The following GFRA2 variants were observed in gnomAD, a reference collection of about 807,000 sequenced individuals.
GFRA2 encodes the protein GDNF family receptor alpha-2.
GFRA2 carries 17 observed loss-of-function variants against 48.3 expected under a neutral mutation model. The observed-to-expected ratio is 0.35, with a 90% CI of 0.24 to 0.53. The LOEUF (loss-of-function observed/expected upper bound fraction) is 0.53, where lower values mean the gene tolerates loss of function less well. Ranked by LOEUF, GFRA2 falls within the 20% of genes least tolerant of loss-of-function variation. The pLI, the probability that GFRA2 is intolerant of heterozygous loss-of-function variation, is 0.93. For synonymous variants in GFRA2, 305 were observed against 257.2 expected (o/e 1.19, Z -1.78); for missense variants, 660 against 637.3 (o/e 1.04, Z -0.38).
intron 4 of GFRA2, among the ~76,000 whole-genome samples, chr8:21,724,383 G>A (rs1009387516): frequency 4.6e-5 from 7 of 152,216 alleles, no homozygotes; most frequent in Middle Eastern, 3.4e-3. Context: ...GTATTGCCAC[G>A]CTGGAATGGA....
At chr8:21,736,894 G>A (rs1303659567) in intron 4 of GFRA2, among the ~76,000 whole-genome samples, 1 of 131,902 alleles carries the variant, frequency 7.6e-6, no homozygotes, top group Non-Finnish European at 1.6e-5. Context: ...GAGAAAAGAA[G>A]GAAAGGAAGA....
At chr8:21,749,453 G>A (rs1007385484) in intron 4 of GFRA2, among the ~76,000 whole-genome samples, 3 of 152,028 alleles carry the variant, frequency 2.0e-5, no homozygotes, top group Admixed American at 6.5e-5. Flanking sequence ...CAGCTAATGA[G>A]TGGTAAAGAC....
intron 4 of GFRA2, among the ~76,000 whole-genome samples, chr8:21,720,439 T>A (rs931956876): frequency 6.6e-6 from 1 of 152,164 alleles, no homozygotes; most frequent in African/African-American, 2.4e-5. Flanking sequence ...CCAGGGACCA[T>A]GCCTGGCATG....
At chr8:21,758,224 CA>C (rs796285296) in intron 3 of GFRA2, among the ~76,000 whole-genome samples, 45,799 of 151,634 alleles carry the variant, frequency 0.3, 8,295 homozygotes, top group African/African-American at 0.52. Context: ...CACACACACA[CA>C]CACCTCACCC....
chr8:21,778,458 G>A (rs934947381), intron 2 of GFRA2, among the ~76,000 whole-genome samples: 5 of 152,200 alleles, frequency 3.3e-5, no homozygotes, highest in African/African-American at 1.2e-4. Flanking sequence ...TCTAGGCAGG[G>A]CCCAGAGGAA....
Position 21,801,588 on chromosome 8 carries a change from A to G in GFRA2, c.-36+3429T>C, listed in dbSNP as rs1175191888. On this transcript the variant is annotated intron_variant, in intron 2 of 10. Coordinates refer to the GFRA2 transcript ENST00000517328. ...GGCCTGGCCCTTTTGAGATCAAGTG[A>G]GAGCCTTCTTTCCTGCTTCCCCTTG... Among the ~76,000 whole-genome samples, 5 of 131,790 alleles carry G rather than the reference A, an allele frequency of 3.8e-5. No individual in the cohort carries two copies. The East Asian group carries it at 9.3e-4, about 25-fold the overall frequency. 86.5% of individuals were successfully genotyped at this position (131,790 alleles called of 152,430 possible).
Position 21,788,536 on chromosome 8 carries a change from G to A in GFRA2, c.-377C>T, listed in dbSNP as rs373180401. ...CCTGCGCTTCCCAGGAGGGGCCTGG[G>A]GAGGTGGGGAGAGAGGCGATTTGCG... is the stretch of plus-strand genomic sequence containing the variant. On this transcript the variant is annotated 5_prime_UTR_variant, in exon 1 of 9. Transcript: ENST00000524240. 2.4e-4 allele frequency: 248 copies of A among 1,026,092 alleles called. 1 individual carries two copies. In the African/African-American group the frequency reaches 3.8e-3, roughly 16 times the overall value. 63.6% of individuals were successfully genotyped at this position (1,026,092 alleles called of 1,614,324 possible).
At chr8:21,795,612 C>T (rs1807658930) in intron 2 of GFRA2, among the ~76,000 whole-genome samples, 1 of 152,100 alleles carries the variant, frequency 6.6e-6, no homozygotes, top group South Asian at 2.1e-4. Context: ...AGGCTGGTCT[C>T]GAACTCTCAG....
chr8:21,783,651 C>T (rs771835982), intron 1 of GFRA2, among the ~76,000 whole-genome samples: 6 of 152,134 alleles, frequency 3.9e-5, no homozygotes, highest in Non-Finnish European at 8.8e-5. Flanking sequence ...TCCACACCTT[C>T]TAGTCCAACT....
chr8:21,791,281 G>A (rs1425757924), upstream of GFRA2, among the ~76,000 whole-genome samples: 1 of 152,170 alleles, frequency 6.6e-6, no homozygotes, highest in East Asian at 1.9e-4. Context: ...GTAGGAAAGA[G>A]GATTCCGGTA....
intron 4 of GFRA2, among the ~76,000 whole-genome samples, chr8:21,711,602 A>T (rs1205955593): frequency 6.6e-6 from 1 of 152,234 alleles, no homozygotes; most frequent in Admixed American, 6.5e-5. Flanking sequence ...GTGTAGGTTC[A>T]TTTGAATTTC....
At chr8:21,733,389 G>A (rs753325382) in intron 4 of GFRA2, among the ~76,000 whole-genome samples, 5 of 152,174 alleles carry the variant, frequency 3.3e-5, no homozygotes, top group Non-Finnish European at 7.4e-5. Context: ...TCATGAGAAT[G>A]AGCAGATGAC....
At chr8:21,811,374 A>G (rs1223924458) in intron 1 of GFRA2, among the ~76,000 whole-genome samples, 1 of 152,088 alleles carries the variant, frequency 6.6e-6, no homozygotes, top group Non-Finnish European at 1.5e-5. Context: ...CTAACATGTG[A>G]CTTTACCAGC....
At chr8:21,757,457 T>C (rs1342410068) in intron 3 of GFRA2, among the ~76,000 whole-genome samples, 2 of 152,212 alleles carry the variant, frequency 1.3e-5, no homozygotes, top group Admixed American at 6.5e-5. Flanking sequence ...ATATTAACAG[T>C]ACCACCTCTA....
intron 4 of GFRA2, among the ~76,000 whole-genome samples, chr8:21,721,632 A>C (rs1803599358): frequency 6.6e-6 from 1 of 152,218 alleles, no homozygotes; most frequent in East Asian, 1.9e-4. Flanking sequence ...CTAGCTCTGA[A>C]AAATAGAATT....
At chr8:21,757,338 C>T (rs1363894430) in intron 3 of GFRA2, among the ~76,000 whole-genome samples, 1 of 152,198 alleles carries the variant, frequency 6.6e-6, no homozygotes, top group African/African-American at 2.4e-5. Context: ...CCCCCACCCC[C>T]AGCAGGCAGG....
At chr8:21,756,406 G>T (rs1805570891) in intron 3 of GFRA2, among the ~76,000 whole-genome samples, 2 of 152,206 alleles carry the variant, frequency 1.3e-5, no homozygotes, top group Non-Finnish European at 2.9e-5. Context: ...CGGGAGAAAA[G>T]ACCCCAGGAG....
In GFRA2 at chr8:21,692,316, A is replaced by G. The variant is rs1300766909; in HGVS notation, c.*962T>C. 6.6e-6 allele frequency: 1 copy of G among 152,236 alleles called. No individual in the cohort carries two copies. Among genetic ancestry groups the G allele is most frequent in the Non-Finnish European group, 1.5e-5 (1 of 68,054 alleles). The allele number at this position is 152,236 out of a possible 1,614,324, so 9.4% of individuals were successfully genotyped here. The stretch of plus-strand genomic sequence containing the variant: ...TTAGGAGAGGAGCCCCGGTATGTAC[A>G]TACAGTTGACGTACGTCTAGGAAAT... On this transcript the variant is annotated 3_prime_UTR_variant, in exon 9 of 9. Coordinates refer to ENST00000524240, the MANE Select transcript of GFRA2 (RefSeq NM_001495.5).
chr8:21,806,961 C>T (rs1441000344), intron 1 of GFRA2, among the ~76,000 whole-genome samples: 2 of 152,172 alleles, frequency 1.3e-5, no homozygotes, highest in Admixed American at 1.3e-4. Flanking sequence ...CTATTGGTCA[C>T]TTCAAGCTTC....
Sources: allele counts gnomAD v4.1 joint callset (sites outside exome capture counted in the v4.1 genomes callset), GRCh38; gene constraint gnomAD v4.1.1; transcripts MANE v1.5; gene names NCBI Gene and HGNC (gene_info 2026-07-23, HGNC 2026-07-21).